Variants in BNC2 observed in about 807,000 individuals in gnomAD.
BNC2 encodes basonuclin zinc finger protein 2, also known as zinc finger protein basonuclin-2.
BNC2 carries 20 observed loss-of-function variants against 76.3 expected under a neutral mutation model. That is an observed-to-expected ratio of 0.26 (90% CI 0.18 to 0.38). BNC2 has a LOEUF of 0.38. BNC2 is among the 10% of genes least tolerant of loss of function. BNC2 has a pLI of 1.00. For synonymous variants in BNC2, 582 were observed against 514.8 expected (o/e 1.13, Z -1.77); for missense variants, 1,382 against 1,399.8 (o/e 0.99, Z 0.20).
chr9:16,590,337 C>T (rs549418402), intron 3 of BNC2, among the ~76,000 whole-genome samples: 3 of 152,014 alleles, frequency 2.0e-5, no homozygotes, highest in East Asian at 4.0e-4. Flanking sequence ...GGATTTCAGG[C>T]GCCCACCATC....
intron 5 of BNC2, among the ~76,000 whole-genome samples, chr9:16,478,044 C>A (rs780160587): frequency 1.3e-5 from 2 of 152,096 alleles, no homozygotes; most frequent in Non-Finnish European, 2.9e-5. Context: ...GGAAAAAAAA[C>A]CCAGCTGTAT....
intron 5 of BNC2, among the ~76,000 whole-genome samples, chr9:16,494,181 T>C (rs1234481334): frequency 6.6e-6 from 1 of 150,496 alleles, no homozygotes; most frequent in Non-Finnish European, 1.5e-5. Context: ...GGAGACGGAG[T>C]CTTGCTCTGT....
chr9:16,569,667 T>C (rs922476209), intron 4 of BNC2, among the ~76,000 whole-genome samples: 1 of 152,220 alleles, frequency 6.6e-6, no homozygotes, highest in Admixed American at 6.5e-5. Flanking sequence ...TTCTCCCGCT[T>C]CTTCTTTCTT....
In BNC2 at chr9:16,437,474, C is replaced by T. The variant is rs141260436; in HGVS notation, c.720G>A (p.Glu240=). The change falls in exon 6 of 7, where the codon GAG becomes GAA. Residue 240 remains glutamate, a synonymous_variant. Coordinates refer to ENST00000380672, the MANE Select transcript of BNC2 (RefSeq NM_017637.6). Reference sequence around the variant, plus strand: ...GAAACTGCTGAAGGGTGATGATTTCCTCTTCTCGAGACATGATGGCCCAGC... The same window carrying T: ...GAAACTGCTGAAGGGTGATGATTTCTTCTTCTCGAGACATGATGGCCCAGC... ...LDRWAIMSRE[E]EIITLQQFLR... 9.3e-6 allele frequency: 15 copies of T among 1,613,738 alleles called. No homozygotes were observed. The African/African-American group carries it at 1.9e-4, about 20-fold the overall frequency.
At chr9:16,823,163 A>C (rs1490305705) in intron 1 of BNC2, among the ~76,000 whole-genome samples, 1 of 152,242 alleles carries the variant, frequency 6.6e-6, no homozygotes, top group African/African-American at 2.4e-5. Flanking sequence ...GAACCACAGT[A>C]AATAGTTTAT....
intron 1 of BNC2, among the ~76,000 whole-genome samples, chr9:16,785,121 G>A (rs56870033): frequency 3.9e-5 from 6 of 152,238 alleles, no homozygotes; most frequent in South Asian, 2.1e-4. Flanking sequence ...AGAAAAGAAC[G>A]GGAACTTTAA....
intron 1 of BNC2, among the ~76,000 whole-genome samples, chr9:16,811,528 G>C (rs1818052894): frequency 7.9e-6 from 1 of 126,212 alleles, no homozygotes; most frequent in Non-Finnish European, 1.6e-5. Context: ...CTCCAGCCTG[G>C]GCAACAAGAG....
chr9:16,827,189 C>T (rs1447683460), intron 1 of BNC2, among the ~76,000 whole-genome samples: 3 of 152,216 alleles, frequency 2.0e-5, no homozygotes, highest in African/African-American at 7.2e-5. Flanking sequence ...AACTTGTGCT[C>T]AGTCTCTGCA....
At chr9:16,758,085 G>C (rs546704487) in intron 1 of BNC2, among the ~76,000 whole-genome samples, 1 of 152,268 alleles carries the variant, frequency 6.6e-6, no homozygotes, top group South Asian at 2.1e-4. Flanking sequence ...CTCAAAAGCA[G>C]AATCTGCTTC....
At chr9:16,516,884 T>C (rs1295400575) in intron 5 of BNC2, among the ~76,000 whole-genome samples, 1 of 152,216 alleles carries the variant, frequency 6.6e-6, no homozygotes, top group Non-Finnish European at 1.5e-5. Flanking sequence ...AAACGTTAAT[T>C]AGATGTTTCT....
At chr9:16,626,696 C>A (rs1821002800) in intron 3 of BNC2, among the ~76,000 whole-genome samples, 3 of 152,158 alleles carry the variant, frequency 2.0e-5, no homozygotes, top group Admixed American at 2.0e-4. Context: ...CACACACACA[C>A]ACACCCTGTA....
chr9:16,586,043 C>A (rs1819760349), intron 3 of BNC2, among the ~76,000 whole-genome samples: 1 of 152,112 alleles, frequency 6.6e-6, no homozygotes, highest in South Asian at 2.1e-4. Context: ...AACAAGGGTG[C>A]CAGGGTGCCT....
At chr9:16,744,430 G>A (rs1824942427) in intron 1 of BNC2, among the ~76,000 whole-genome samples, 1 of 152,122 alleles carries the variant, frequency 6.6e-6, no homozygotes. Context: ...GAGAAGACTG[G>A]TTTCTTGTAT....
chr9:16,841,011 T>C (rs1329545953), intron 1 of BNC2, among the ~76,000 whole-genome samples: 1 of 152,222 alleles, frequency 6.6e-6, no homozygotes, highest in East Asian at 1.9e-4. Context: ...GTATTTTCGT[T>C]GTTCTTCCGA....
At chr9:16,560,256 T>C (rs138666822) in intron 4 of BNC2, among the ~76,000 whole-genome samples, 222 of 152,340 alleles carry the variant, frequency 1.5e-3, no homozygotes, top group African/African-American at 4.9e-3. Context: ...TAGGGAACCA[T>C]CTAAAGAATG....
intron 1 of BNC2, among the ~76,000 whole-genome samples, chr9:16,844,856 T>A (rs1021832291): frequency 6.6e-6 from 1 of 152,172 alleles, no homozygotes; most frequent in African/African-American, 2.4e-5. Context: ...TTATTGGTAT[T>A]TGGGGCAGAA....
At chr9:16,605,244 T>G (rs1263077018) in intron 3 of BNC2, among the ~76,000 whole-genome samples, 1 of 152,246 alleles carries the variant, frequency 6.6e-6, no homozygotes, top group Admixed American at 6.5e-5. Flanking sequence ...TCTACTTATT[T>G]GCATATTTCA....
chr9:16,419,950 AGTTTTACTATGTAGCAGCAT>A (rs1820677337), intron 6 of BNC2, among the ~76,000 whole-genome samples: 1 of 152,110 alleles, frequency 6.6e-6, no homozygotes, highest in Admixed American at 6.5e-5. Context: ...TTACTCTGTT[AGTTTTACTATGTAGCAGCAT>A]CAGCTGCAGA....
intron 1 of BNC2, among the ~76,000 whole-genome samples, chr9:16,850,218 C>G (rs1819096816): frequency 6.6e-6 from 1 of 152,168 alleles, no homozygotes; most frequent in Non-Finnish European, 1.5e-5. Context: ...AAAATTCACT[C>G]TACAGTAGAA....
Sources: allele counts gnomAD v4.1 joint callset (sites outside exome capture counted in the v4.1 genomes callset), GRCh38; gene constraint gnomAD v4.1.1; transcripts MANE v1.5; gene names NCBI Gene and HGNC (gene_info 2026-07-23, HGNC 2026-07-21).